ELOVL7: variants seen among roughly 807,000 people sequenced by gnomAD.
ELOVL7 encodes very long chain fatty acid elongase 7.
In ELOVL7, 27 loss-of-function variants were observed where a neutral mutation model predicts 35.7. The ratio of observed to expected loss-of-function variants is 0.76; its 90% CI spans 0.56 to 1.04. The LOEUF (loss-of-function observed/expected upper bound fraction) is 1.04, where lower values mean the gene tolerates loss of function less well. ELOVL7 is among the 50% of genes least tolerant of loss of function. The pLI is 0.00. For synonymous variants in ELOVL7, 113 were observed against 114.6 expected (o/e 0.99, Z 0.09); for missense variants, 327 against 340.8 (o/e 0.96, Z 0.32).
At chr5:60,764,072 T>C (rs1392082311) in intron 7 of ELOVL7, among the ~76,000 whole-genome samples, 155 bp downstream of exon 7, 1 of 152,180 alleles carries the variant, frequency 6.6e-6, no homozygotes, top group Non-Finnish European at 1.5e-5. Flanking sequence ...GAGTCTTATG[T>C]TTATTTTTCA....
rs1223764586 is a variant in ELOVL7, at chr5:60,753,293, C to T, written c.*1331G>A. 1 of 152,004 alleles carries T rather than the reference C, an allele frequency of 6.6e-6. No individual in the cohort carries two copies. The highest frequency in any genetic ancestry group is 2.4e-5 in the African/African-American group (1 of 41,380). The allele number at this position is 152,004 out of a possible 1,614,324, so 9.4% of individuals were successfully genotyped here. A position where few individuals can be genotyped will look rare whatever the true frequency, so the allele number is the denominator to read the frequency against. ...ACTCTACTGACTAATAGTTTTGATT[C>T]TCTGACAAGAAAATGTAAAAATAAC... is the stretch of plus-strand genomic sequence containing the variant. On this transcript the variant is annotated 3_prime_UTR_variant, in exon 9 of 9. Transcript: ENST00000508821.
At chr5:60,824,915 G>T (rs1746082943) in intron 1 of ELOVL7, among the ~76,000 whole-genome samples, 1 of 151,024 alleles carries the variant, frequency 6.6e-6, no homozygotes, top group Admixed American at 6.6e-5. Context: ...CATGATCTGG[G>T]CCCTGACTAC....
At position 60,780,806 on chromosome 5, in the gene ELOVL7, A is replaced by ACCTCCCACTGGGTC. The variant is rs574695069; in HGVS notation, c.64+6514_64+6527dup. Among the ~76,000 whole-genome samples the ACCTCCCACTGGGTC allele has an allele frequency of 1.2e-3, 183 of 152,194 alleles. 4 individuals carry two copies. The Middle Eastern group carries it at 0.024, about 20-fold the overall frequency. Reference sequence around the variant, plus strand: ...GGGGAACTGCGCCCATGATTCAGTTACCTCCCACTGGGTCCCTCCCACGAC... The same window carrying ACCTCCCACTGGGTC: ...GGGGAACTGCGCCCATGATTCAGTTACCTCCCACTGGGTCCCTCCCACTGGGTCCCTCCCACGAC... On this transcript the variant is annotated intron_variant, in intron 3 of 8. Transcript: ENST00000508821.
intron 7 of ELOVL7, among the ~76,000 whole-genome samples, chr5:60,762,288 A>G (rs1362409889): frequency 7.1e-6 from 1 of 141,418 alleles, no homozygotes; most frequent in Non-Finnish European, 1.5e-5. Context: ...AACAAGAGTG[A>G]AACTCTGCCT....
intron 1 of ELOVL7, among the ~76,000 whole-genome samples, chr5:60,812,295 A>G (rs534907753): frequency 4.2e-4 from 64 of 152,360 alleles, no homozygotes; most frequent in African/African-American, 1.5e-3. Flanking sequence ...AAAATGAAAT[A>G]GTACAATGTA....
intron 1 of ELOVL7, among the ~76,000 whole-genome samples, chr5:60,823,055 G>C (rs1745976278): frequency 6.6e-6 from 1 of 152,060 alleles, no homozygotes; most frequent in Non-Finnish European, 1.5e-5. Flanking sequence ...GTGAAGTCTA[G>C]AAGAGAAGAA....
chr5:60,843,356 CG>C (rs1277391159), intron 1 of ELOVL7: 1 of 97,304 alleles, frequency 1.0e-5, no homozygotes, highest in African/African-American at 3.1e-5. Context: ...CATTTCCCAA[CG>C]AACCTGGGAA....
Position 60,772,119 on chromosome 5 carries a change from CA to C in ELOVL7, c.65-27del, listed in dbSNP as rs780156564. Reference sequence around the variant, plus strand: ...CTAAGAGAAAAACAATATGTGAGTACACACCTGCTTAGCCAAGGGGTAACTA... The same window carrying C: ...CTAAGAGAAAAACAATATGTGAGTACCACCTGCTTAGCCAAGGGGTAACTA... On this transcript the variant is annotated intron_variant, in intron 3 of 8. Transcript: ENST00000508821. The C allele has an allele frequency of 4.6e-6, 7 of 1,527,666 alleles. No homozygotes were observed. In the African/African-American group the frequency reaches 9.7e-5, roughly 21 times the overall value. The allele number at this position is 1,527,666 out of a possible 1,614,324, so 94.6% of individuals were successfully genotyped here. A position where few individuals can be genotyped will look rare whatever the true frequency, so the allele number is the denominator to read the frequency against.
chr5:60,770,438 G>C (rs1422623203), intron 4 of ELOVL7, among the ~76,000 whole-genome samples: 1 of 152,182 alleles, frequency 6.6e-6, no homozygotes, highest in African/African-American at 2.4e-5. Context: ...CAGCCAGTCA[G>C]TGGCAGAAGC....
At chr5:60,780,277 G>A (rs568912298) in intron 3 of ELOVL7, among the ~76,000 whole-genome samples, 65 of 152,056 alleles carry the variant, frequency 4.3e-4, no homozygotes, top group African/African-American at 1.4e-3. Context: ...GCGCCACCAC[G>A]CCCAGTTAAT....
rs1261356772 is a variant in ELOVL7 at position 60,754,590 on chromosome 5, T to C, written c.*34A>G. ...ATCTCTTGATTGTCAAGGAAGACAA[T>C]GTATCAGTTTCGATCATAGACTTAT... is the stretch of plus-strand genomic sequence containing the variant. On this transcript the variant is annotated 3_prime_UTR_variant, in exon 9 of 9. Transcript: ENST00000508821. The C allele has an allele frequency of 6.4e-6, 10 of 1,558,216 alleles. No homozygotes were observed. Among genetic ancestry groups the C allele is most frequent in the South Asian group, 5.6e-5 (5 of 89,754 alleles).
At chr5:60,773,615 G>A (rs1038568509) in intron 3 of ELOVL7, among the ~76,000 whole-genome samples, 1 of 152,142 alleles carries the variant, frequency 6.6e-6, no homozygotes, top group African/African-American at 2.4e-5. Flanking sequence ...TAGATCCCAG[G>A]ACATTTAAGA....
intron 1 of ELOVL7, among the ~76,000 whole-genome samples, chr5:60,837,315 T>TGGGGGGGGGGGGGGGGGG (rs1227317155): frequency 8.2e-5 from 2 of 24,508 alleles, no homozygotes; most frequent in African/African-American, 1.7e-4. Flanking sequence ...GGCGGGGGGG[T>TGGGGGGGGGGGGGGGGGG]GGGGGGGGAG....
intron 1 of ELOVL7, among the ~76,000 whole-genome samples, chr5:60,834,027 C>T (rs745810237): frequency 3.9e-5 from 6 of 152,088 alleles, no homozygotes; most frequent in Non-Finnish European, 8.8e-5. Flanking sequence ...CTTAATAACA[C>T]TAATAAATTT....
rs1227317155 is a variant in ELOVL7 at position 60,837,315 on chromosome 5, T to TGGGGG, written c.-86+6840_-86+6844dup. ...GGGCAGGCGTGGTAGGGCGGGGGGG[T>TGGGGG]GGGGGGGGAGTGGGGGGTGGGGGTG... On this transcript the variant is annotated intron_variant, in intron 1 of 8. Coordinates refer to ENST00000508821, the MANE Select transcript of ELOVL7 (RefSeq NM_024930.3). Among the ~76,000 whole-genome samples, 59 of 24,500 alleles carry TGGGGG rather than the reference T, an allele frequency of 2.4e-3. 1 individual carries two copies. Among genetic ancestry groups the TGGGGG allele is most frequent in the Middle Eastern group, 0.022 (1 of 46 alleles). 16.1% of individuals were successfully genotyped at this position (24,500 alleles called of 152,430 possible).
intron 1 of ELOVL7, among the ~76,000 whole-genome samples, chr5:60,823,380 C>A (rs2112359686): frequency 6.6e-6 from 1 of 152,250 alleles, no homozygotes; most frequent in Non-Finnish European, 1.5e-5. Context: ...TGTACCATGT[C>A]CAGTAATTGC....
chr5:60,803,065 A>C (rs980036271), intron 1 of ELOVL7, among the ~76,000 whole-genome samples: 1 of 152,158 alleles, frequency 6.6e-6, no homozygotes, highest in Non-Finnish European at 1.5e-5. Context: ...GAGCTTCAAA[A>C]TCCTTCTCAA....
intron 2 of ELOVL7, among the ~76,000 whole-genome samples, chr5:60,789,543 T>C (rs994201263): frequency 1.3e-5 from 2 of 152,226 alleles, no homozygotes; most frequent in African/African-American, 2.4e-5. Context: ...GTAACTCTTA[T>C]TGAGGACAAT....
chr5:60,810,591 T>C (rs1421926381), intron 1 of ELOVL7, among the ~76,000 whole-genome samples: 2 of 152,250 alleles, frequency 1.3e-5, no homozygotes, highest in African/African-American at 2.4e-5. Context: ...ATGTAACCAG[T>C]ACTGATATTC....
Sources: allele counts gnomAD v4.1 joint callset (sites outside exome capture counted in the v4.1 genomes callset), GRCh38; gene constraint gnomAD v4.1.1; transcripts MANE v1.5; gene names NCBI Gene and HGNC (gene_info 2026-07-23, HGNC 2026-07-21).